Variants in CPA6 observed in about 807,000 individuals in gnomAD.
CPA6 encodes carboxypeptidase B.
A neutral mutation model predicts 63.3 loss-of-function variants in CPA6; 58 were observed. The observed-to-expected ratio is 0.92, with a 90% CI of 0.74 to 1.14. The LOEUF is 1.14. CPA6 is among the 50% of genes most tolerant of loss of function. The pLI, the probability that CPA6 is intolerant of heterozygous loss-of-function variation, is 0.00. For synonymous variants in CPA6, 185 were observed against 179.0 expected (o/e 1.03, Z -0.27); for missense variants, 565 against 526.6 (o/e 1.07, Z -0.71).
At chr8:67,742,604 T>C (rs1016513939) in intron 1 of CPA6, among the ~76,000 whole-genome samples, 1 of 152,220 alleles carries the variant, frequency 6.6e-6, no homozygotes, top group African/African-American at 2.4e-5. Flanking sequence ...TATTTTACTA[T>C]CCTGTTAAGT....
chr8:67,697,554 A>T (rs1354334730), intron 1 of CPA6, among the ~76,000 whole-genome samples: 1 of 152,238 alleles, frequency 6.6e-6, no homozygotes, highest in Non-Finnish European at 1.5e-5. Context: ...TGCCTTAGGA[A>T]ATACTTAGTA....
chr8:67,684,463 T>A (rs1308641642), intron 1 of CPA6, among the ~76,000 whole-genome samples: 1 of 151,956 alleles, frequency 6.6e-6, no homozygotes, highest in Non-Finnish European at 1.5e-5. Flanking sequence ...TCCCTTAAGT[T>A]CTCACCTCCC....
chr8:67,671,534 T>C (rs1448593582), intron 1 of CPA6, among the ~76,000 whole-genome samples: 1 of 152,210 alleles, frequency 6.6e-6, no homozygotes, highest in East Asian at 1.9e-4. Flanking sequence ...ACTGCTTCTA[T>C]ATGATTCTGG....
In CPA6 at chr8:67,728,773, A is replaced by G. The variant is rs138212905; in HGVS notation, c.116+17241T>C. Among the ~76,000 whole-genome samples the G allele has an allele frequency of 1.1e-4, 17 of 152,326 alleles. No homozygotes were observed. The East Asian group carries it at 3.1e-3, about 28-fold the overall frequency. ...GAGAAAATTGAGGCACAGGGATATT[A>G]AGTAATTCCTTCCAATTATCACATC... On this transcript the variant is annotated intron_variant, in intron 1 of 10. Transcript: ENST00000297770.
intron 1 of CPA6, among the ~76,000 whole-genome samples, chr8:67,716,084 G>A (rs1817371456): frequency 6.7e-6 from 1 of 149,306 alleles, no homozygotes; most frequent in Non-Finnish European, 1.5e-5. Flanking sequence ...AACCCAGGAG[G>A]TGGAGGTTGC....
In CPA6 at chr8:67,653,555, G is replaced by A. The variant is rs529385257; in HGVS notation, c.117-29304C>T. Among the ~76,000 whole-genome samples, 32 of 151,902 alleles carry A rather than the reference G, an allele frequency of 2.1e-4. 1 individual carries two copies. The South Asian group carries it at 4.8e-3, about 23-fold the overall frequency. On this transcript the variant is annotated intron_variant, in intron 1 of 10. Coordinates refer to ENST00000297770, the MANE Select transcript of CPA6 (RefSeq NM_020361.5). ...TTGGCTCTCTGTTTGTCTGTTATTG[G>A]TGTATAAGAATGTTTGTGATTTTTG...
intron 1 of CPA6, among the ~76,000 whole-genome samples, chr8:67,638,995 G>C (rs950897587): frequency 5.9e-5 from 9 of 151,454 alleles, no homozygotes; most frequent in Admixed American, 1.3e-4. Context: ...CTCCCATAAA[G>C]TTCTAACAAA....
In CPA6 at chr8:67,716,151, CAAAAAAA is replaced by C. The variant is rs56275918; in HGVS notation, c.116+29856_116+29862del. ...CCTGGGCGAGAGAGTGAGCTTGTCTCAAAAAAAAAAAAAAAAAAAAAAAAAAGGAGAG... is the reference window on the plus strand; with the variant it reads ...CCTGGGCGAGAGAGTGAGCTTGTCTCAAAAAAAAAAAAAAAAAAAGGAGAG... On this transcript the variant is annotated intron_variant, in intron 1 of 10. Coordinates refer to ENST00000297770, the MANE Select transcript of CPA6 (RefSeq NM_020361.5). Among the ~76,000 whole-genome samples, 735 of 76,526 alleles carry C rather than the reference CAAAAAAA, an allele frequency of 9.6e-3. 14 individuals carry two copies. The highest frequency in any genetic ancestry group is 0.043 in the African/African-American group (636 of 14,908). 50.2% of individuals were successfully genotyped at this position (76,526 alleles called of 152,430 possible). A position where few individuals can be genotyped will look rare whatever the true frequency, so the allele number is the denominator to read the frequency against.
At chr8:67,533,736 C>G (rs1011170352) in intron 2 of CPA6, among the ~76,000 whole-genome samples, 6 of 152,192 alleles carry the variant, frequency 3.9e-5, no homozygotes, top group African/African-American at 1.2e-4. Flanking sequence ...AGTGTTCTTC[C>G]AAATCCCTCT....
chr8:67,521,900 T>G (rs190506711), intron 2 of CPA6, among the ~76,000 whole-genome samples: 17 of 152,324 alleles, frequency 1.1e-4, no homozygotes, highest in Admixed American at 9.2e-4. Context: ...TTGGGAAGTT[T>G]CCTTAACTTT....
intron 1 of CPA6, among the ~76,000 whole-genome samples, chr8:67,681,148 T>C (rs1816583050): frequency 6.6e-6 from 1 of 151,322 alleles, no homozygotes; most frequent in Non-Finnish European, 1.5e-5. Context: ...AGATCATGCT[T>C]TTGGTGTCAT....
chr8:67,432,387 C>T (rs569560601), intron 9 of CPA6, among the ~76,000 whole-genome samples: 1 of 152,258 alleles, frequency 6.6e-6, no homozygotes, highest in African/African-American at 2.4e-5. Context: ...AGAGAACGCA[C>T]GGAAGCCCTG....
At chr8:67,468,631 A>G (rs951456806) in intron 8 of CPA6, among the ~76,000 whole-genome samples, 1 of 146,386 alleles carries the variant, frequency 6.8e-6, no homozygotes. Flanking sequence ...TAAAATAATA[A>G]TAATAAGAAA....
At chr8:67,503,489 G>A (rs1379674290) in intron 6 of CPA6, among the ~76,000 whole-genome samples, 6 of 44,416 alleles carry the variant, frequency 1.4e-4, no homozygotes, top group African/African-American at 5.3e-4. Context: ...TTTTTTTTTT[G>A]TAGAGACAGG....
intron 1 of CPA6, among the ~76,000 whole-genome samples, chr8:67,679,600 T>C (rs984561594): frequency 2.0e-5 from 3 of 152,218 alleles, no homozygotes; most frequent in African/African-American, 7.2e-5. Context: ...GGGAATCTAT[T>C]TGACTACATA....
rs544689428 is a variant in CPA6, at chr8:67,542,963, T to C, written c.193-24916A>G. ...TGCTATTTACTAGAATAAGAACCTA[T>C]ATTAACCATATCTATATTAATTATT... On this transcript the variant is annotated intron_variant, in intron 2 of 10. Transcript: ENST00000297770. 2.6e-5 allele frequency among the ~76,000 whole-genome samples: 4 copies of C among 152,342 alleles called. No homozygotes were observed. In the South Asian group the frequency reaches 6.2e-4, roughly 24 times the overall value.
chr8:67,470,826 A>T (rs1355903215), intron 8 of CPA6, among the ~76,000 whole-genome samples: 1 of 152,196 alleles, frequency 6.6e-6, no homozygotes, highest in Admixed American at 6.5e-5. Context: ...AAAGATGCAG[A>T]TAATAATATT....
intron 1 of CPA6, among the ~76,000 whole-genome samples, chr8:67,664,387 G>C (rs895416736): frequency 6.6e-6 from 1 of 152,154 alleles, no homozygotes; most frequent in African/African-American, 2.4e-5. Flanking sequence ...CTATTCTTTT[G>C]ACAGGCATAC....
At chr8:67,608,447 G>A (rs1814723115) in intron 2 of CPA6, among the ~76,000 whole-genome samples, 1 of 152,056 alleles carries the variant, frequency 6.6e-6, no homozygotes, top group South Asian at 2.1e-4. Flanking sequence ...AAACTCCAGG[G>A]GAAGATCATC....
Sources: allele counts gnomAD v4.1 joint callset (sites outside exome capture counted in the v4.1 genomes callset), GRCh38; gene constraint gnomAD v4.1.1; transcripts MANE v1.5; gene names NCBI Gene and HGNC (gene_info 2026-07-23, HGNC 2026-07-21).